The following CDKAL1 variants were observed in gnomAD, a reference collection of about 807,000 sequenced individuals.
CDKAL1 encodes the protein CDKAL1 threonylcarbamoyladenosine tRNA methylthiotransferase, also known as threonylcarbamoyladenosine tRNA methylthiotransferase.
In CDKAL1, 32 loss-of-function variants were observed where a neutral mutation model predicts 68.2. The observed-to-expected ratio is 0.47, with a 90% CI of 0.35 to 0.63. The LOEUF (loss-of-function observed/expected upper bound fraction) is 0.63. Ranked by LOEUF, CDKAL1 falls within the 30% of genes least tolerant of loss-of-function variation. CDKAL1 has a pLI of 0.00. For synonymous variants in CDKAL1, 234 were observed against 244.3 expected (o/e 0.96, Z 0.39); for missense variants, 606 against 696.7 (o/e 0.87, Z 1.47).
At chr6:20,566,395 C>G (rs1764463159) in intron 4 of CDKAL1, among the ~76,000 whole-genome samples, 1 of 152,122 alleles carries the variant, frequency 6.6e-6, no homozygotes. Flanking sequence ...CATAGTGCCA[C>G]TCACTAGTCT....
At chr6:20,551,202 G>A (rs944503487) in intron 4 of CDKAL1, among the ~76,000 whole-genome samples, 1 of 151,974 alleles carries the variant, frequency 6.6e-6, no homozygotes, top group Non-Finnish European at 1.5e-5. Context: ...CATATGCAGT[G>A]AAGTCCTTTG....
chr6:21,188,886 G>A (rs948750423), intron 13 of CDKAL1, among the ~76,000 whole-genome samples: 1 of 152,144 alleles, frequency 6.6e-6, no homozygotes, highest in African/African-American at 2.4e-5. Context: ...AGAATGTACA[G>A]GCAGGTGGTT....
At chr6:20,730,986 C>T (rs1415823026) in intron 5 of CDKAL1, among the ~76,000 whole-genome samples, 1 of 152,092 alleles carries the variant, frequency 6.6e-6, no homozygotes, top group Non-Finnish European at 1.5e-5. Context: ...GCCATGTGGA[C>T]ATCTGGGCCA....
chr6:20,846,476 C>T (rs1406702729), intron 9 of CDKAL1, among the ~76,000 whole-genome samples: 1 of 152,172 alleles, frequency 6.6e-6, no homozygotes, highest in African/African-American at 2.4e-5. Context: ...AAAATGAAAT[C>T]CATGAGCCTC....
intron 4 of CDKAL1, among the ~76,000 whole-genome samples, chr6:20,605,907 C>A (rs1290806084): frequency 6.6e-6 from 1 of 152,196 alleles, no homozygotes; most frequent in African/African-American, 2.4e-5. Context: ...ACTGTAATTA[C>A]TCCTCTCAAG....
At chr6:20,636,579 T>C (rs1399096517) in intron 4 of CDKAL1, among the ~76,000 whole-genome samples, 1 of 152,156 alleles carries the variant, frequency 6.6e-6, no homozygotes, top group Non-Finnish European at 1.5e-5. Context: ...AGCCAAATGG[T>C]AGTATTTCAA....
intron 12 of CDKAL1, among the ~76,000 whole-genome samples, chr6:21,095,935 A>G (rs751382287): frequency 6.6e-6 from 1 of 152,180 alleles, no homozygotes; most frequent in Non-Finnish European, 1.5e-5. Flanking sequence ...CACCCCTGAA[A>G]TGAATTTTAG....
At chr6:20,763,137 T>A (rs1774541599) in intron 7 of CDKAL1, among the ~76,000 whole-genome samples, 1 of 152,210 alleles carries the variant, frequency 6.6e-6, no homozygotes, top group Non-Finnish European at 1.5e-5. Flanking sequence ...TCTTGCCATC[T>A]TATGTCCAGT....
At chr6:20,719,055 C>T (rs1772224070) in intron 5 of CDKAL1, among the ~76,000 whole-genome samples, 2 of 152,280 alleles carry the variant, frequency 1.3e-5, no homozygotes, top group South Asian at 4.1e-4. Flanking sequence ...CAGTTCATGG[C>T]AGAGTCCGGG....
chr6:21,074,380 A>G (rs1051348984), intron 12 of CDKAL1, among the ~76,000 whole-genome samples: 1 of 152,170 alleles, frequency 6.6e-6, no homozygotes, highest in East Asian at 1.9e-4. Context: ...CCTGCTCTTC[A>G]TCTTTACTAG....
At chr6:20,862,836 G>T (rs1459290811) in intron 9 of CDKAL1, among the ~76,000 whole-genome samples, 21 of 152,124 alleles carry the variant, frequency 1.4e-4, no homozygotes, top group Non-Finnish European at 2.9e-4. Context: ...AGACCAGCCT[G>T]ACCAACATGG....
intron 9 of CDKAL1, among the ~76,000 whole-genome samples, chr6:20,921,171 C>G (rs76999138): frequency 2.6e-5 from 4 of 152,176 alleles, no homozygotes; most frequent in African/African-American, 9.7e-5. Flanking sequence ...TGGCTCATGC[C>G]TGTAATCTCA....
chr6:21,119,003 T>C (rs1774569095), intron 13 of CDKAL1, among the ~76,000 whole-genome samples: 1 of 152,222 alleles, frequency 6.6e-6, no homozygotes, highest in Admixed American at 6.5e-5. Context: ...ATCTTTATTA[T>C]TTACTTTTTA....
At chr6:20,575,485 G>A (rs990260851) in intron 4 of CDKAL1, among the ~76,000 whole-genome samples, 1 of 150,558 alleles carries the variant, frequency 6.6e-6, no homozygotes, top group Non-Finnish European at 1.5e-5. Context: ...CTTTTAGAAG[G>A]GAAAAAGTAT....
At chr6:21,094,996 T>C (rs1228070431) in intron 12 of CDKAL1, among the ~76,000 whole-genome samples, 1 of 152,198 alleles carries the variant, frequency 6.6e-6, no homozygotes, top group African/African-American at 2.4e-5. Flanking sequence ...CCAACTGGCT[T>C]TTTTTAAAAA....
At chr6:20,820,842 A>G (rs768331939) in intron 8 of CDKAL1, among the ~76,000 whole-genome samples, 1 of 152,074 alleles carries the variant, frequency 6.6e-6, no homozygotes, top group Non-Finnish European at 1.5e-5. Flanking sequence ...ATGGAGTTTC[A>G]ATTCTAGTGG....
At chr6:20,861,999 T>C (rs900412652) in intron 9 of CDKAL1, among the ~76,000 whole-genome samples, 1 of 152,248 alleles carries the variant, frequency 6.6e-6, no homozygotes, top group Non-Finnish European at 1.5e-5. Context: ...TTTTGTATGA[T>C]GTGTTATGCA....
At chr6:20,878,224 AG>A (rs1760628457) in intron 9 of CDKAL1, among the ~76,000 whole-genome samples, 1 of 152,190 alleles carries the variant, frequency 6.6e-6, no homozygotes, top group South Asian at 2.1e-4. Flanking sequence ...ACAGATTCTC[AG>A]TAAAATTTTG....
chr6:21,215,897 A>G (rs1315414075), intron 15 of CDKAL1, among the ~76,000 whole-genome samples: 1 of 152,178 alleles, frequency 6.6e-6, no homozygotes, highest in Non-Finnish European at 1.5e-5. Context: ...TATGGAATTA[A>G]ATTTGCTCAT....
Sources: gnomAD v4.1 joint callset for allele counts (sites outside exome capture counted in the v4.1 genomes callset) on GRCh38, gnomAD v4.1.1 for gene constraint, MANE v1.5 for transcripts, NCBI Gene and HGNC (gene_info 2026-07-23, HGNC 2026-07-21) for gene names.